The following DOCK3 variants were observed in gnomAD, a reference collection of about 807,000 sequenced individuals.
DOCK3 encodes the protein dedicator of cytokinesis 3.
In DOCK3, 60 loss-of-function variants were observed where a neutral mutation model predicts 265.6. The observed-to-expected ratio is 0.23, with a 90% confidence interval of 0.18 to 0.28. The LOEUF (loss-of-function observed/expected upper bound fraction) is 0.28. Ranked by LOEUF, DOCK3 falls within the 10% of genes least tolerant of loss-of-function variation. The probability of loss-of-function intolerance (pLI) is 1.00; values close to 1 mark genes in which losing one functional copy is unlikely to be tolerated. For missense variants in DOCK3, 1,981 were observed against 2,594.3 expected (o/e 0.76, Z 5.14); for synonymous variants, 881 against 938.0 (o/e 0.94, Z 1.11).
chr3:50,960,183 AC>A (rs1330667058), intron 5 of DOCK3, among the ~76,000 whole-genome samples: 1 of 152,150 alleles, frequency 6.6e-6, no homozygotes, highest in East Asian at 1.9e-4. Context: ...CTGTGTGTAA[AC>A]ATATGTTTTC....
chr3:51,163,927 C>T (rs1048443619), intron 12 of DOCK3, among the ~76,000 whole-genome samples: 1 of 152,100 alleles, frequency 6.6e-6, no homozygotes, highest in African/African-American at 2.4e-5. Context: ...TATTCATATG[C>T]AGCCATGTCA....
At chr3:51,120,176 A>G (rs1680640365) in intron 9 of DOCK3, among the ~76,000 whole-genome samples, 1 of 151,990 alleles carries the variant, frequency 6.6e-6, no homozygotes. Flanking sequence ...GCTGATGTTG[A>G]TGCTATTCCT....
At position 50,874,066 on chromosome 3, in the gene DOCK3, G is replaced by GTTT. The variant is rs3043436; in HGVS notation, c.163-15948_163-15946dup. Among the ~76,000 whole-genome samples the GTTT allele has an allele frequency of 3.8e-3, 403 of 106,216 alleles. 7 individuals are homozygous for GTTT. The highest frequency in any genetic ancestry group is 0.011 in the African/African-American group (355 of 31,132). The allele number at this position is 106,216 out of a possible 152,430, so 69.7% of individuals were successfully genotyped here. On this transcript the variant is annotated intron_variant, in intron 3 of 52. Coordinates refer to ENST00000266037, the MANE Select transcript of DOCK3 (RefSeq NM_004947.5). ...TGTTTTTTTTTTTTTCTTTTCTTTTGTTTTTTTTTTTTTTGTTAAATTGTT... is the reference window on the plus strand; with the variant it reads ...TGTTTTTTTTTTTTTCTTTTCTTTTGTTTTTTTTTTTTTTTTTGTTAAATTGTT...
At chr3:50,978,558 C>A (rs1477682347) in intron 5 of DOCK3, among the ~76,000 whole-genome samples, 2 of 152,182 alleles carry the variant, frequency 1.3e-5, no homozygotes, top group Non-Finnish European at 2.9e-5. Context: ...AGCTGTCAGA[C>A]AGGGACATTT....
intron 5 of DOCK3, among the ~76,000 whole-genome samples, chr3:51,007,486 ATTTG>A (rs1220682369): frequency 6.6e-6 from 1 of 152,142 alleles, no homozygotes; most frequent in East Asian, 1.9e-4. Flanking sequence ...TTACTTGTAA[ATTTG>A]TTTGAGTTCT....
intron 21 of DOCK3, among the ~76,000 whole-genome samples, chr3:51,241,649 G>A (rs533646700): frequency 6.6e-4 from 101 of 152,200 alleles, no homozygotes; most frequent in African/African-American, 2.4e-3. Context: ...GTTCTTGTCT[G>A]ACTGTCATAT....
chr3:51,338,727 A>T (rs913892908), intron 36 of DOCK3, among the ~76,000 whole-genome samples: 2 of 152,124 alleles, frequency 1.3e-5, no homozygotes, highest in Non-Finnish European at 2.9e-5. Flanking sequence ...TTTCCTCTTA[A>T]CACTACCCAG....
chr3:51,374,695 C>T lies in DOCK3; in HGVS notation c.5412+108C>T, dbSNP rs1256109416. ...CATTGTCCTACATGGCTCTCTCATT[C>T]CGCTGTAAGATCCCGCAAAAGGCCG... is the stretch of plus-strand genomic sequence containing the variant. On this transcript the variant is annotated intron_variant, in intron 50 of 52. Transcript: ENST00000266037. This position sits in a 1 kb window ranked among gnomAD's most constrained non-coding sequence, Gnocchi z 4.8. The T allele has an allele frequency of 9.0e-7, 1 of 1,108,954 alleles. No homozygotes were observed. The highest frequency in any genetic ancestry group is 1.3e-6 in the Non-Finnish European group (1 of 761,440). The allele number at this position is 1,108,954 out of a possible 1,614,324, so 68.7% of individuals were successfully genotyped here. A position where few individuals can be genotyped will look rare whatever the true frequency, so the allele number is the denominator to read the frequency against.
chr3:51,044,729 T>C (rs560375135), intron 5 of DOCK3, among the ~76,000 whole-genome samples: 15 of 152,306 alleles, frequency 9.8e-5, no homozygotes, highest in African/African-American at 2.9e-4. Context: ...AATAACTTGC[T>C]ACAGCTTCTC....
chr3:50,841,646 T>C, intron 2 of DOCK3, 29 bp from the exon 3 acceptor site: 1 of 1,192,470 alleles, frequency 8.4e-7, no homozygotes. Flanking sequence ...GACATTGTGA[T>C]TTTAATATTC....
chr3:51,357,720 T>C, intron 44 of DOCK3, 38 bp from the exon 45 acceptor site: 1 of 1,610,204 alleles, frequency 6.2e-7, no homozygotes, highest in Non-Finnish European at 8.5e-7. Context: ...GTAGTAGTCC[T>C]GGGAAGAGTC....
intron 3 of DOCK3, among the ~76,000 whole-genome samples, chr3:50,867,637 AG>A (rs1159067609): frequency 6.6e-5 from 10 of 150,476 alleles, no homozygotes; most frequent in Non-Finnish European, 1.5e-5. Flanking sequence ...TTTATCATGA[AG>A]GGATTTTGAA....
intron 1 of DOCK3, among the ~76,000 whole-genome samples, chr3:50,718,940 T>A (rs2037300843): frequency 6.6e-6 from 1 of 151,772 alleles, no homozygotes; most frequent in Non-Finnish European, 1.5e-5. Flanking sequence ...CCTGCCACCA[T>A]GCCCGGCTAA....
chr3:51,346,393 G>C (rs574423099), intron 38 of DOCK3, among the ~76,000 whole-genome samples: 6 of 151,596 alleles, frequency 4.0e-5, no homozygotes, highest in Non-Finnish European at 7.4e-5. Flanking sequence ...TGCGGTGTTT[G>C]GTTTTCTGTC....
chr3:50,700,210 T>C lies in DOCK3; in HGVS notation c.37+24910T>C, dbSNP rs1415275198. 1.3e-5 allele frequency among the ~76,000 whole-genome samples: 2 copies of C among 152,104 alleles called. 1 individual carries two copies. Among genetic ancestry groups the C allele is most frequent in the Non-Finnish European group, 2.9e-5 (2 of 68,026 alleles). On this transcript the variant is annotated intron_variant, in intron 1 of 52. Coordinates refer to ENST00000266037, the MANE Select transcript of DOCK3 (RefSeq NM_004947.5). ...AGGAGAATCACTTGAACCCAGGAGG[T>C]GGAGGTTGCAATGAGCGGAGATCGC...
chr3:50,888,326 G>T (rs966953642), intron 3 of DOCK3, among the ~76,000 whole-genome samples: 2 of 152,056 alleles, frequency 1.3e-5, no homozygotes, highest in African/African-American at 2.4e-5. Flanking sequence ...CCTCTTCAAG[G>T]AGAACTACAA....
chr3:50,796,180 A>G (rs1273102846), intron 2 of DOCK3, among the ~76,000 whole-genome samples: 6 of 151,232 alleles, frequency 4.0e-5, no homozygotes, highest in African/African-American at 7.3e-5. Flanking sequence ...AGCTGGGACT[A>G]TAGGCGCCCA....
intron 5 of DOCK3, among the ~76,000 whole-genome samples, chr3:51,046,020 T>C (rs2080763030): frequency 6.6e-6 from 1 of 152,124 alleles, no homozygotes; most frequent in Non-Finnish European, 1.5e-5. Flanking sequence ...AACATTGTTA[T>C]CAGCTTAAAA....
intron 5 of DOCK3, among the ~76,000 whole-genome samples, chr3:51,055,796 T>G (rs764187237): frequency 6.6e-6 from 1 of 152,234 alleles, no homozygotes; most frequent in Non-Finnish European, 1.5e-5. Flanking sequence ...GTTCCTTTCT[T>G]ATGAAGATCT....
Sources: gnomAD v4.1 joint callset for allele counts (sites outside exome capture counted in the v4.1 genomes callset) on GRCh38, gnomAD v4.1.1 for gene constraint, Gnocchi (gnomAD v3.1) non-coding constraint, MANE v1.5 for transcripts, NCBI Gene and HGNC (gene_info 2026-07-23, HGNC 2026-07-21) for gene names.